The following LPP variants were observed in gnomAD, a reference collection of about 807,000 sequenced individuals.
LPP encodes the protein LIM domain containing preferred translocation partner in lipoma, also known as lipoma-preferred partner.
Under a neutral mutation model 60.4 loss-of-function variants are expected in LPP, and 38 were observed. The observed-to-expected ratio is 0.63, with a 90% CI of 0.49 to 0.83. The LOEUF (loss-of-function observed/expected upper bound fraction) is 0.83. Ranked by LOEUF, LPP falls within the 40% of genes least tolerant of loss-of-function variation. The pLI, the probability that LPP is intolerant of heterozygous loss-of-function variation, is 0.00. For missense variants in LPP, 902 were observed against 783.6 expected (o/e 1.15, Z -1.80); for synonymous variants, 328 against 290.8 (o/e 1.13, Z -1.30).
intron 3 of LPP, among the ~76,000 whole-genome samples, chr3:188,378,729 C>A (rs941221957): frequency 6.6e-6 from 1 of 152,178 alleles, no homozygotes; most frequent in Non-Finnish European, 1.5e-5. Context: ...GCTGCACCTA[C>A]TCTCTGGCAC....
intron 5 of LPP, among the ~76,000 whole-genome samples, chr3:188,506,381 G>A (rs1201769311): frequency 1.3e-5 from 2 of 152,146 alleles, no homozygotes; most frequent in African/African-American, 4.8e-5. Flanking sequence ...TTAATAAATA[G>A]ATTTATTAAT....
At position 188,878,599 on chromosome 3, in the gene LPP, G is replaced by A. The variant is rs80100113; in HGVS notation, c.*4120G>A. 831 of 209,766 alleles carry A rather than the reference G, an allele frequency of 4.0e-3. 2 individuals are homozygous for A. Among genetic ancestry groups the A allele is most frequent in the Non-Finnish European group, 6.1e-3 (625 of 102,910 alleles). The allele number at this position is 209,766 out of a possible 1,614,324, so 13.0% of individuals were successfully genotyped here. On this transcript the variant is annotated 3_prime_UTR_variant, in exon 12 of 12. Transcript: ENST00000617246. Reference sequence around the variant, plus strand: ...TCAAGTCCATTTCTTGGGATCGCTCGTTTGGTGCACTCTCGTGGGAGACAA... The same window carrying A: ...TCAAGTCCATTTCTTGGGATCGCTCATTTGGTGCACTCTCGTGGGAGACAA...
intron 4 of LPP, among the ~76,000 whole-genome samples, chr3:188,460,705 A>G (rs796777896): frequency 4.6e-5 from 7 of 152,324 alleles, no homozygotes; most frequent in African/African-American, 1.7e-4. Flanking sequence ...CAAAGTGTGG[A>G]AAACAAGGAA....
chr3:188,375,888 G>A (rs1774911898), intron 3 of LPP, among the ~76,000 whole-genome samples: 1 of 152,126 alleles, frequency 6.6e-6, no homozygotes, highest in South Asian at 2.1e-4. Context: ...GTGTCCCAGA[G>A]ATTCTGGTAT....
At chr3:188,810,429 T>C (rs1750567769) in intron 9 of LPP, among the ~76,000 whole-genome samples, 1 of 151,806 alleles carries the variant, frequency 6.6e-6, no homozygotes, top group African/African-American at 2.4e-5. Flanking sequence ...TACATTACAA[T>C]AGTCATGTAG....
chr3:188,770,162 A>G (rs910955515), intron 9 of LPP, among the ~76,000 whole-genome samples: 3 of 140,012 alleles, frequency 2.1e-5, no homozygotes, highest in African/African-American at 5.3e-5. Context: ...TTTCATAGTT[A>G]TAATTCTTTT....
Position 188,462,542 on chromosome 3 carries a change from CTTTATATATATATATATATATATAT to C in LPP, c.194-22049_194-22025del, listed in dbSNP as rs1261850611. ...TATAAATTTAGCCAATTTATATGAG[CTTTATATATATATATATATATATAT>C]ATATATATATATATATATGCATGTG... On this transcript the variant is annotated intron_variant, in intron 4 of 11. Coordinates refer to ENST00000617246, the MANE Select transcript of LPP (RefSeq NM_001375462.1). Among the ~76,000 whole-genome samples the C allele has an allele frequency of 4.7e-4, 30 of 64,292 alleles. 1 individual carries two copies. Among genetic ancestry groups the C allele is most frequent in the African/African-American group, 1.8e-3 (30 of 16,556 alleles). 42.2% of individuals were successfully genotyped at this position (64,292 alleles called of 152,430 possible). A position where few individuals can be genotyped will look rare whatever the true frequency, so the allele number is the denominator to read the frequency against.
chr3:188,343,686 GA>G (rs1763623162), intron 3 of LPP, among the ~76,000 whole-genome samples: 1 of 152,164 alleles, frequency 6.6e-6, no homozygotes, highest in African/African-American at 2.4e-5. Context: ...TTACTCTCAA[GA>G]AAGAGGAATT....
chr3:188,774,969 T>G (rs906257866), intron 9 of LPP, among the ~76,000 whole-genome samples: 2 of 152,030 alleles, frequency 1.3e-5, no homozygotes, highest in Non-Finnish European at 2.9e-5. Flanking sequence ...TGACTATAGA[T>G]CTGTAAGTGC....
At chr3:188,653,567 G>A (rs1472613021) in intron 7 of LPP, among the ~76,000 whole-genome samples, 5 of 152,068 alleles carry the variant, frequency 3.3e-5, no homozygotes, top group African/African-American at 9.7e-5. Flanking sequence ...CCAGTTTGGA[G>A]TAGAAGACTG....
chr3:188,542,589 T>G (rs1825509109), intron 6 of LPP, among the ~76,000 whole-genome samples: 1 of 152,156 alleles, frequency 6.6e-6, no homozygotes, highest in Non-Finnish European at 1.5e-5. Context: ...TTTGTATATG[T>G]GAGATGTGGT....
At chr3:188,489,916 T>A (rs1807811240) in intron 5 of LPP, among the ~76,000 whole-genome samples, 1 of 152,224 alleles carries the variant, frequency 6.6e-6, no homozygotes, top group African/African-American at 2.4e-5. Context: ...CTATTCAGTA[T>A]TTGCATACCT....
rs55674610 is a variant in LPP at position 188,609,319 on chromosome 3, C to G, written c.588C>G (p.Ile196Met). The G allele has an allele frequency of 3.3e-5, 53 of 1,614,102 alleles. 2 individuals carry two copies. In the South Asian group the frequency reaches 5.7e-4, roughly 17 times the overall value. The change falls in exon 7 of 12, where the codon ATC becomes ATG. Residue 196 changes from isoleucine to methionine, a missense_variant. By Grantham distance (10) the Ile-to-Met change is conservative (BLOSUM62 1). Transcript: ENST00000617246. The surrounding 1 kb of genome is among the most constrained non-coding windows in gnomAD (Gnocchi z 6.9). Reference sequence around the variant, plus strand: ...CTGGACCCATCCCTGTGGCTCCAATCGGAACACTCAAACCCCAGCCTCAGC... The same window carrying G: ...CTGGACCCATCCCTGTGGCTCCAATGGGAACACTCAAACCCCAGCCTCAGC... ...PQAGPIPVAP[I>M]GTLKPQPQPV...
chr3:188,887,684 G>A lies in LPP; in HGVS notation c.*13205G>A. The A allele has an allele frequency of 4.7e-6, 1 of 213,288 alleles. No individual in the cohort carries two copies. The highest frequency in any genetic ancestry group is 7.0e-5 in the East Asian group (1 of 14,288). 13.2% of individuals were successfully genotyped at this position (213,288 alleles called of 1,614,324 possible). A position where few individuals can be genotyped will look rare whatever the true frequency, so the allele number is the denominator to read the frequency against. On this transcript the variant is annotated 3_prime_UTR_variant, in exon 12 of 12. Coordinates refer to ENST00000617246, the MANE Select transcript of LPP (RefSeq NM_001375462.1). ...TAGGCAGCAAATTGAAACTAACATGGGACCATGCCATCCTTCTAGCATAAT... is the reference window on the plus strand; with the variant it reads ...TAGGCAGCAAATTGAAACTAACATGAGACCATGCCATCCTTCTAGCATAAT...
At chr3:188,439,286 C>G (rs1793175684) in intron 4 of LPP, among the ~76,000 whole-genome samples, 3 of 152,198 alleles carry the variant, frequency 2.0e-5, no homozygotes, top group Admixed American at 1.3e-4. Flanking sequence ...AGTCAACCAT[C>G]ATTCGCTTCC....
intron 9 of LPP, among the ~76,000 whole-genome samples, chr3:188,828,183 A>T (rs1756092375): frequency 1.3e-5 from 2 of 152,096 alleles, no homozygotes; most frequent in South Asian, 2.1e-4. Context: ...AAACAAAATA[A>T]TTGGCAAATT....
chr3:188,259,639 A>T (rs1294791557), intron 2 of LPP, among the ~76,000 whole-genome samples: 1 of 152,200 alleles, frequency 6.6e-6, no homozygotes, highest in African/African-American at 2.4e-5. Context: ...TAATTTTGAT[A>T]TCTACTGCTG....
At chr3:188,820,883 A>C (rs557750345) in intron 9 of LPP, among the ~76,000 whole-genome samples, 1 of 152,264 alleles carries the variant, frequency 6.6e-6, no homozygotes, top group Admixed American at 6.5e-5. Flanking sequence ...CTTGTATAGG[A>C]AAATGTCTCT....
At chr3:188,522,609 A>G (rs1305842575) in intron 5 of LPP, among the ~76,000 whole-genome samples, 1 of 152,060 alleles carries the variant, frequency 6.6e-6, no homozygotes, top group African/African-American at 2.4e-5. Flanking sequence ...TGAAGCTTAT[A>G]TGTTCTAGGG....
Sources: gnomAD v4.1 joint callset for allele counts (sites outside exome capture counted in the v4.1 genomes callset) on GRCh38, gnomAD v4.1.1 for gene constraint, Gnocchi (gnomAD v3.1) non-coding constraint, MANE v1.5 for transcripts, NCBI Gene and HGNC (gene_info 2026-07-23, HGNC 2026-07-21) for gene names.